MIR17HG: variants seen among roughly 807,000 people sequenced by gnomAD.
MIR17HG encodes the protein miR-17-92a-1 cluster host gene.
At chr13:91,353,210 A>T (rs1875416113) in intron 3 of MIR17HG, among the ~76,000 whole-genome samples, 2 of 150,572 alleles carry the variant, frequency 1.3e-5, no homozygotes, top group African/African-American at 4.9e-5. Context: ...CAATTTTTTT[A>T]AAAACTGGAA....
chr13:91,351,175 A>C (rs945273726), intron 3 of MIR17HG: 2 of 526,208 alleles, frequency 3.8e-6, no homozygotes, highest in Non-Finnish European at 7.9e-6. Flanking sequence ...GCCCAATCAA[A>C]CTGTCCTGTT....
chr13:91,353,109 CAA>C (rs549062236), intron 3 of MIR17HG, among the ~76,000 whole-genome samples: 1,154 of 28,710 alleles, frequency 0.04, 7 homozygotes, highest in African/African-American at 0.12. Flanking sequence ...GACTTAAACG[CAA>C]AAAAAAAAAA....
intron 1 of MIR17HG, among the ~76,000 whole-genome samples, chr13:91,349,142 T>C (rs1300828392): frequency 6.6e-6 from 1 of 151,894 alleles, no homozygotes; most frequent in Non-Finnish European, 1.5e-5. Context: ...CGGCCCGGGC[T>C]CCATGAGCGT....
chr13:91,354,017 A>G (rs915803499), exon 4 of MIR17HG: 13 of 152,716 alleles, frequency 8.5e-5, no homozygotes, highest in African/African-American at 2.2e-4. Context: ...GCAGCCTGCA[A>G]CTTCCTGGAG....
chr13:91,354,319 T>G (rs1875467216), exon 4 of MIR17HG: 1 of 152,178 alleles, frequency 6.6e-6, no homozygotes, highest in East Asian at 1.9e-4. Context: ...TATGTGGTAT[T>G]AGTTTTAAAG....
chr13:91,348,706 G>A (rs1244800764), intron 1 of MIR17HG, among the ~76,000 whole-genome samples: 2 of 150,614 alleles, frequency 1.3e-5, no homozygotes, highest in African/African-American at 4.8e-5. Flanking sequence ...AGCCGCCTGC[G>A]CCCGGCCGCT....
chr13:91,352,731 G>T (rs1227278994), intron 3 of MIR17HG, among the ~76,000 whole-genome samples: 1 of 152,172 alleles, frequency 6.6e-6, no homozygotes, highest in Non-Finnish European at 1.5e-5. Flanking sequence ...CATTAGCAGA[G>T]TTCTTAAGCT....
chr13:91,351,547 T>C (rs1875315980), intron 3 of MIR17HG: 1 of 341,554 alleles, frequency 2.9e-6, no homozygotes, highest in Non-Finnish European at 6.1e-6. Flanking sequence ...ATTTCACTTT[T>C]GGGGTTGCGT....
upstream of MIR17HG, chr13:91,347,786 T>C (rs1235459737): frequency 6.6e-6 from 1 of 151,374 alleles, no homozygotes; most frequent in South Asian, 2.1e-4. Context: ...TGGGGACGAC[T>C]ACCGCAGCGC....
chr13:91,350,261 AAATTAGTTCTCATTTATT>A (rs1202398335), intron 3 of MIR17HG: 1 of 200,272 alleles, frequency 5.0e-6, no homozygotes, highest in East Asian at 1.3e-4. Flanking sequence ...AAATGTTCCA[AAATTAGTTCTCATTTATT>A]TGCAGTCTCA....
intron 3 of MIR17HG, chr13:91,350,330 G>T (rs920277971): frequency 1.1e-5 from 3 of 268,970 alleles, no homozygotes; most frequent in African/African-American, 6.7e-5. Context: ...ATCCATTTGG[G>T]AGAGGCCAGC....
intron 3 of MIR17HG, chr13:91,351,020 G>A (rs766558356): frequency 1.9e-6 from 1 of 528,604 alleles, no homozygotes; most frequent in Admixed American, 1.9e-5. Context: ...TACTTTTATT[G>A]TGTCGATGTA....
chr13:91,348,558 C>A (rs901173725), intron 1 of MIR17HG, among the ~76,000 whole-genome samples: 4 of 151,254 alleles, frequency 2.6e-5, no homozygotes, highest in African/African-American at 9.7e-5. Flanking sequence ...GGAGGGGCGC[C>A]GAGATCGGCG....
chr13:91,347,772 G>C (rs138151712), upstream of MIR17HG: 6,556 of 152,170 alleles, frequency 0.043, 188 homozygotes, highest in African/African-American at 0.085. Flanking sequence ...CGAGGCCGAG[G>C]GGGTGGGGAC....
At chr13:91,351,335 G>C (rs9589207) in intron 3 of MIR17HG, 1 of 531,702 alleles carries the variant, frequency 1.9e-6, no homozygotes, top group Non-Finnish European at 3.9e-6. Flanking sequence ...GGTTGGGATC[G>C]GTTGCAATGC....
At chr13:91,349,358 G>A (rs914423950) in intron 1 of MIR17HG, among the ~76,000 whole-genome samples, 1 of 152,096 alleles carries the variant, frequency 6.6e-6, no homozygotes, top group Non-Finnish European at 1.5e-5. Context: ...GGGGAGGGGT[G>A]GTGAAGAATA....
At chr13:91,348,076 C>CACAT in intron 1 of MIR17HG, 1 of 145,192 alleles carries the variant, frequency 6.9e-6, no homozygotes, top group Middle Eastern at 3.7e-3. Flanking sequence ...GCGGCGGCGG[C>CACAT]GTGGCCGGGG....
intron 3 of MIR17HG, chr13:91,351,489 G>A (rs1001980789): frequency 1.5e-5 from 6 of 399,928 alleles, no homozygotes; most frequent in Admixed American, 2.5e-5. Context: ...TAAAGAAAAT[G>A]TGTAACTTTT....
intron 3 of MIR17HG, chr13:91,350,511 GTTGT>G (rs1473751298): frequency 1.9e-6 from 1 of 521,004 alleles, no homozygotes; most frequent in Non-Finnish European, 3.9e-6. Context: ...ATGGTTTATA[GTTGT>G]TAGAGTTTGA....
Sources: allele counts gnomAD v4.1 joint callset (sites outside exome capture counted in the v4.1 genomes callset), GRCh38; gene constraint gnomAD v4.1.1; transcripts MANE v1.5; gene names NCBI Gene and HGNC (gene_info 2026-07-23, HGNC 2026-07-21).